Variants in GMDS observed in about 807,000 individuals in gnomAD.
GMDS encodes GDP-mannose 4,6 dehydratase.
A neutral mutation model predicts 49.9 loss-of-function variants in GMDS; 20 were observed. The observed-to-expected ratio is 0.40, with a 90% CI of 0.28 to 0.58. GMDS has a LOEUF of 0.58. Among genes scored for constraint, GMDS ranks in the 20% least tolerant of loss-of-function variants. GMDS has a pLI of 0.42. For synonymous variants in GMDS, 177 were observed against 178.6 expected (o/e 0.99, Z 0.07); for missense variants, 362 against 481.4 (o/e 0.75, Z 2.32).
At chr6:1,840,826 T>C (rs1431200965) in intron 7 of GMDS, among the ~76,000 whole-genome samples, 1 of 152,108 alleles carries the variant, frequency 6.6e-6, no homozygotes, top group South Asian at 2.1e-4. Flanking sequence ...GTCTTGAGGG[T>C]AATCTCAACA....
intron 7 of GMDS, among the ~76,000 whole-genome samples, chr6:1,813,584 C>A (rs931167873): frequency 6.6e-6 from 1 of 152,088 alleles, no homozygotes; most frequent in Non-Finnish European, 1.5e-5. Flanking sequence ...TTCTAGATAG[C>A]TAATAATGGA....
intron 7 of GMDS, among the ~76,000 whole-genome samples, chr6:1,744,960 C>T (rs1214261892): frequency 2.0e-5 from 3 of 151,228 alleles, no homozygotes; most frequent in Non-Finnish European, 4.4e-5. Flanking sequence ...CACGAGTGTA[C>T]CCGTGGACAC....
intron 1 of GMDS, among the ~76,000 whole-genome samples, chr6:2,147,613 GT>G (rs1195993330): frequency 6.6e-6 from 1 of 151,638 alleles, no homozygotes; most frequent in Admixed American, 6.6e-5. Flanking sequence ...TCACTCTAGA[GT>G]CCCCTACATT....
At chr6:2,238,222 C>CAAAAAAAAAAA (rs58141924) in intron 1 of GMDS, among the ~76,000 whole-genome samples, 1 of 118,690 alleles carries the variant, frequency 8.4e-6, no homozygotes. Context: ...CCTGTCTCTA[C>CAAAAAAAAAAA]AAAAAAAAAA....
At chr6:1,801,541 C>T (rs1769949949) in intron 7 of GMDS, among the ~76,000 whole-genome samples, 1 of 152,234 alleles carries the variant, frequency 6.6e-6, no homozygotes, top group African/African-American at 2.4e-5. Context: ...ATGCAAAACC[C>T]ACTCACATGA....
intron 8 of GMDS, among the ~76,000 whole-genome samples, chr6:1,730,744 C>G (rs562775750): frequency 6.6e-6 from 1 of 152,244 alleles, no homozygotes; most frequent in South Asian, 2.1e-4. Context: ...AACTAAAAGG[C>G]CCCGTCAAGT....
At chr6:1,931,265 A>T (rs1055862950) in intron 6 of GMDS, among the ~76,000 whole-genome samples, 1 of 152,234 alleles carries the variant, frequency 6.6e-6, no homozygotes, top group South Asian at 2.1e-4. Context: ...TATTATGATC[A>T]AAGTGTTTGG....
rs992842528 is a variant in GMDS at position 2,025,941 on chromosome 6, T to TA, written c.346-64976dup. Among the ~76,000 whole-genome samples the TA allele has an allele frequency of 1.5e-4, 23 of 152,088 alleles. No homozygotes were observed. The East Asian group carries it at 1.5e-3, about 10-fold the overall frequency. On this transcript the variant is annotated intron_variant, in intron 4 of 10. Transcript: ENST00000380815. ...CTCTAAGATGTTACATCTTTTTTGT[T>TA]AAAAAAAAGATTTTTAACTGCTACA...
At chr6:1,769,906 T>C (rs1768510167) in intron 7 of GMDS, among the ~76,000 whole-genome samples, 1 of 152,134 alleles carries the variant, frequency 6.6e-6, no homozygotes, top group Non-Finnish European at 1.5e-5. Context: ...TTTGTATTTT[T>C]AGAGGAGATG....
chr6:2,123,807 T>C (rs567381032), intron 2 of GMDS, among the ~76,000 whole-genome samples: 1 of 152,356 alleles, frequency 6.6e-6, no homozygotes, highest in African/African-American at 2.4e-5. Flanking sequence ...TATCTACTGT[T>C]ACTTCTTCAA....
chr6:1,819,887 T>C (rs1770825823), intron 7 of GMDS, among the ~76,000 whole-genome samples: 1 of 151,032 alleles, frequency 6.6e-6, no homozygotes, highest in South Asian at 2.1e-4. Flanking sequence ...ACTGTAATGA[T>C]AAAATCATTA....
At chr6:1,660,734 A>G (rs373312292) in intron 9 of GMDS, among the ~76,000 whole-genome samples, 4 of 145,744 alleles carry the variant, frequency 2.7e-5, no homozygotes, top group South Asian at 4.4e-4. Flanking sequence ...AGTATCTAGT[A>G]TCTGAATTCA....
In GMDS at chr6:2,094,313, A is replaced by G. The variant is rs189892997; in HGVS notation, c.345+21458T>C. Among the ~76,000 whole-genome samples, 22 of 152,342 alleles carry G rather than the reference A, an allele frequency of 1.4e-4. No homozygotes were observed. In the East Asian group the frequency reaches 3.9e-3, roughly 27 times the overall value. ...TAGAAAAATTTGAGCTAGATCTACA[A>G]GATTGCAACTTAACAAAGATAAATC... On this transcript the variant is annotated intron_variant, in intron 4 of 10. Coordinates refer to ENST00000380815, the MANE Select transcript of GMDS (RefSeq NM_001500.4).
At chr6:2,136,266 G>C (rs1293079407) in intron 1 of GMDS, among the ~76,000 whole-genome samples, 1 of 152,148 alleles carries the variant, frequency 6.6e-6, no homozygotes, top group African/African-American at 2.4e-5. Context: ...ATCTGTTTTA[G>C]ATTTCATAAA....
At chr6:1,980,075 C>A (rs1163507632) in intron 4 of GMDS, among the ~76,000 whole-genome samples, 1 of 152,108 alleles carries the variant, frequency 6.6e-6, no homozygotes, top group African/African-American at 2.4e-5. Flanking sequence ...AAACCTGTTA[C>A]CAGTCACTAC....
chr6:1,807,611 A>G (rs1311019044), intron 7 of GMDS, among the ~76,000 whole-genome samples: 1 of 152,202 alleles, frequency 6.6e-6, no homozygotes, highest in Non-Finnish European at 1.5e-5. Context: ...TATTATTCTA[A>G]TTTTTAACTG....
At chr6:1,914,177 C>T (rs1430545982) in intron 7 of GMDS, among the ~76,000 whole-genome samples, 4 of 117,738 alleles carry the variant, frequency 3.4e-5, no homozygotes, top group Non-Finnish European at 6.5e-5. Context: ...AACTTTTGGG[C>T]TAGGCGCGGT....
chr6:2,177,320 A>C (rs1271412019), intron 1 of GMDS, among the ~76,000 whole-genome samples: 1 of 152,208 alleles, frequency 6.6e-6, no homozygotes, highest in Admixed American at 6.6e-5. Flanking sequence ...AGACAAAAAC[A>C]ACTAGACAAT....
At chr6:2,087,505 C>A (rs1266587764) in intron 4 of GMDS, among the ~76,000 whole-genome samples, 6 of 152,126 alleles carry the variant, frequency 3.9e-5, no homozygotes, top group Non-Finnish European at 8.8e-5. Flanking sequence ...CAGAAATATT[C>A]TCATTAAGAA....
Sources: gnomAD v4.1 joint callset for allele counts (sites outside exome capture counted in the v4.1 genomes callset) on GRCh38, gnomAD v4.1.1 for gene constraint, MANE v1.5 for transcripts, NCBI Gene and HGNC (gene_info 2026-07-23, HGNC 2026-07-21) for gene names.